AIG1: variants seen among roughly 807,000 people sequenced by gnomAD.
AIG1 encodes androgen-induced gene 1 protein.
Under a neutral mutation model 31.4 loss-of-function variants are expected in AIG1, and 23 were observed. That is an observed-to-expected ratio of 0.73 (90% CI 0.53 to 1.04). The LOEUF (loss-of-function observed/expected upper bound fraction) is 1.04. Among genes scored for constraint, AIG1 ranks in the 50% least tolerant of loss-of-function variants. The pLI, the probability that AIG1 is intolerant of heterozygous loss-of-function variation, is 0.00. For missense variants in AIG1, 274 were observed against 295.0 expected (o/e 0.93, Z 0.52); for synonymous variants, 100 against 110.5 (o/e 0.90, Z 0.60).
chr6:143,311,705 G>T (rs1775289781), intron 4 of AIG1, among the ~76,000 whole-genome samples: 1 of 151,878 alleles, frequency 6.6e-6, no homozygotes, highest in Non-Finnish European at 1.5e-5. Context: ...ATTTATAGCT[G>T]GAAGTCCTAG....
At chr6:143,199,604 G>C (rs1167869506) in intron 3 of AIG1, among the ~76,000 whole-genome samples, 1 of 152,038 alleles carries the variant, frequency 6.6e-6, no homozygotes, top group Non-Finnish European at 1.5e-5. Flanking sequence ...AGTTTCCAGT[G>C]TATTATTTAT....
intron 2 of AIG1, among the ~76,000 whole-genome samples, chr6:143,156,467 T>C (rs1025364272): frequency 6.6e-6 from 1 of 152,258 alleles, no homozygotes; most frequent in African/African-American, 2.4e-5. Flanking sequence ...CCTCTTCCTT[T>C]GGCAATAAAG....
intron 1 of AIG1, among the ~76,000 whole-genome samples, chr6:143,064,172 G>A (rs1157743253): frequency 6.6e-6 from 1 of 152,198 alleles, no homozygotes; most frequent in African/African-American, 2.4e-5. Flanking sequence ...GGAAATTAAA[G>A]TTGCAGATGG....
Position 143,256,458 on chromosome 6 carries a change from C to T in AIG1, c.400-27652C>T, listed in dbSNP as rs918496925. ...ATGCTACTGACTTCTTAAACTCGAA[C>T]GTTGGCTGTTCATTTGCCATCAGTA... On this transcript the variant is annotated intron_variant, in intron 3 of 5. Coordinates refer to ENST00000357847, the MANE Select transcript of AIG1 (RefSeq NM_016108.4). The surrounding 1 kb of genome is among the most constrained non-coding windows in gnomAD (Gnocchi z 4.6). 1.8e-4 allele frequency among the ~76,000 whole-genome samples: 27 copies of T among 152,194 alleles called. No homozygotes were observed. The highest frequency in any genetic ancestry group is 1.6e-3 in the Admixed American group (24 of 15,284).
rs1776814012 is a variant in AIG1 at position 143,328,675 on chromosome 6, ATTTAC to A, written c.516-4603_516-4599del. ...GTAATTTAATTCATTCATATAAGCC[ATTTAC>A]TTTGTATCATTTGTGAGTAACAAAG... On this transcript the variant is annotated intron_variant, in intron 4 of 5. Coordinates refer to ENST00000357847, the MANE Select transcript of AIG1 (RefSeq NM_016108.4). The surrounding 1 kb of genome is among the most constrained non-coding windows in gnomAD (Gnocchi z 4.0). Among the ~76,000 whole-genome samples, 1 of 152,198 alleles carries A rather than the reference ATTTAC, an allele frequency of 6.6e-6. No homozygotes were observed. Among genetic ancestry groups the A allele is most frequent in the Admixed American group, 6.5e-5 (1 of 15,278 alleles).
At chr6:143,174,877 T>A (rs1415762312) in intron 3 of AIG1, among the ~76,000 whole-genome samples, 2 of 152,228 alleles carry the variant, frequency 1.3e-5, no homozygotes, top group Non-Finnish European at 2.9e-5. Context: ...ACCTTGTTTT[T>A]TTCATTGTGT....
chr6:143,257,111 A>AT, intron 3 of AIG1, among the ~76,000 whole-genome samples: 1 of 152,346 alleles, frequency 6.6e-6, no homozygotes, highest in East Asian at 1.9e-4. Context: ...CAAAGCTCCC[A>AT]TGTCATTTTT....
Position 143,279,483 on chromosome 6 carries a change from C to T in AIG1, c.400-4627C>T, listed in dbSNP as rs944658881. Reference sequence around the variant, plus strand: ...CCTTTGAGCCTCTTCTGCAAAAGCCCTTTTTCTTGTCCCATCTGCTTCCGA... The same window carrying T: ...CCTTTGAGCCTCTTCTGCAAAAGCCTTTTTTCTTGTCCCATCTGCTTCCGA... On this transcript the variant is annotated intron_variant, in intron 3 of 5. Transcript: ENST00000357847. This position sits in a 1 kb window ranked among gnomAD's most constrained non-coding sequence, Gnocchi z 5.4. Among the ~76,000 whole-genome samples the T allele has an allele frequency of 1.2e-4, 18 of 152,158 alleles. No homozygotes were observed. The highest frequency in any genetic ancestry group is 4.3e-4 in the African/African-American group (18 of 41,428).
chr6:143,305,061 T>C (rs1279750686), intron 4 of AIG1, among the ~76,000 whole-genome samples: 1 of 152,226 alleles, frequency 6.6e-6, no homozygotes, highest in East Asian at 1.9e-4. Flanking sequence ...TTCTGTGGGA[T>C]CAGTGGTGAT....
At chr6:143,200,429 A>C (rs1318609687) in intron 3 of AIG1, among the ~76,000 whole-genome samples, 1 of 152,072 alleles carries the variant, frequency 6.6e-6, no homozygotes. Context: ...CTGAATTCTC[A>C]GTACTTCCTT....
chr6:143,146,421 A>G (rs1784716544), intron 2 of AIG1, among the ~76,000 whole-genome samples: 1 of 151,948 alleles, frequency 6.6e-6, no homozygotes, highest in Non-Finnish European at 1.5e-5. Flanking sequence ...AATATTCTTG[A>G]TTTTAAAAGA....
chr6:143,170,587 GTTTT>G (rs35615915), intron 3 of AIG1, among the ~76,000 whole-genome samples: 40,609 of 147,034 alleles, frequency 0.28, 6,482 homozygotes, highest in East Asian at 0.82. Context: ...AAAAAAACAA[GTTTT>G]TTTTTTTTTG....
At chr6:143,266,640 GA>G (rs879447655) in intron 3 of AIG1, among the ~76,000 whole-genome samples, 6 of 148,488 alleles carry the variant, frequency 4.0e-5, no homozygotes, top group South Asian at 2.1e-4. Flanking sequence ...CCCCAGTACT[GA>G]AAAAAAAAAT....
At chr6:143,343,415 CT>C, downstream of AIG1, 1 of 512,916 alleles carries the variant, frequency 1.9e-6, no homozygotes, top group South Asian at 1.6e-5. Flanking sequence ...GTGCACCTGT[CT>C]TGTCCTGCCG....
chr6:143,152,515 G>A (rs1003151739), intron 2 of AIG1, among the ~76,000 whole-genome samples: 5 of 152,148 alleles, frequency 3.3e-5, no homozygotes, highest in Admixed American at 2.0e-4. Context: ...CATATTAAAA[G>A]GTCTTATGTG....
In AIG1 at chr6:143,298,730, C is replaced by T. The variant is rs61094753; in HGVS notation, c.515+14505C>T. 6,272 of 152,364 alleles carry T rather than the reference C, an allele frequency of 0.041. 421 individuals are homozygous for T. The highest frequency in any genetic ancestry group is 0.14 in the African/African-American group (5,820 of 41,488). 9.4% of individuals were successfully genotyped at this position (152,364 alleles called of 1,614,324 possible). A position where few individuals can be genotyped will look rare whatever the true frequency, so the allele number is the denominator to read the frequency against. On this transcript the variant is annotated intron_variant, in intron 4 of 5. Transcript: ENST00000357847. This position sits in a 1 kb window ranked among gnomAD's most constrained non-coding sequence, Gnocchi z 5.1. ...TATAGTATGCTTGTGCCACTGCACT[C>T]CACCCTGGGCAACAGAGCAAGACTG... is the stretch of plus-strand genomic sequence containing the variant.
At chr6:143,296,419 A>G (rs916093850) in intron 4 of AIG1, among the ~76,000 whole-genome samples, 1 of 152,196 alleles carries the variant, frequency 6.6e-6, no homozygotes, top group Non-Finnish European at 1.5e-5. Flanking sequence ...CTTTGAGAGT[A>G]TGAGAGCATT....
chr6:143,257,426 T>G (rs1034864439), intron 3 of AIG1, among the ~76,000 whole-genome samples: 8 of 152,242 alleles, frequency 5.3e-5, no homozygotes, highest in African/African-American at 1.9e-4. Context: ...ATTAAACTTC[T>G]GAAATTAGTA....
At chr6:143,120,297 T>C (rs190935893) in intron 1 of AIG1, among the ~76,000 whole-genome samples, 2 of 152,308 alleles carry the variant, frequency 1.3e-5, no homozygotes, top group East Asian at 3.9e-4. Flanking sequence ...AACTTCCTCA[T>C]AGACAATCTG....
Sources: gnomAD v4.1 joint callset for allele counts (sites outside exome capture counted in the v4.1 genomes callset) on GRCh38, gnomAD v4.1.1 for gene constraint, Gnocchi (gnomAD v3.1) non-coding constraint, MANE v1.5 for transcripts, NCBI Gene and HGNC (gene_info 2026-07-23, HGNC 2026-07-21) for gene names.